The following MARCHF10 variants were observed in gnomAD, a reference collection of about 807,000 sequenced individuals.
MARCHF10 encodes the protein probable E3 ubiquitin-protein ligase MARCHF10.
In MARCHF10, 64 loss-of-function variants were observed where a neutral mutation model predicts 76.2. The ratio of observed to expected loss-of-function variants is 0.84; its 90% CI spans 0.69 to 1.03. The LOEUF (loss-of-function observed/expected upper bound fraction) is 1.03. MARCHF10 is among the 50% of genes least tolerant of loss of function. MARCHF10 has a pLI of 0.00. For synonymous variants in MARCHF10, 340 were observed against 357.5 expected (o/e 0.95, Z 0.55); for missense variants, 875 against 958.0 (o/e 0.91, Z 1.14).
At chr17:62,757,554 A>C (rs894190222) in intron 4 of MARCHF10, among the ~76,000 whole-genome samples, 1 of 152,204 alleles carries the variant, frequency 6.6e-6, no homozygotes, top group Non-Finnish European at 1.5e-5. Flanking sequence ...GAGTCTACAC[A>C]TGTAAAATGG....
intron 1 of MARCHF10, among the ~76,000 whole-genome samples, chr17:62,802,475 C>A (rs2093091037): frequency 6.6e-6 from 1 of 152,184 alleles, no homozygotes; most frequent in African/African-American, 2.4e-5. Context: ...TCGCCTCAGC[C>A]TCCCGAAGTG....
intron 8 of MARCHF10, among the ~76,000 whole-genome samples, chr17:62,715,496 G>A (rs995258748): frequency 6.6e-5 from 10 of 152,198 alleles, no homozygotes; most frequent in African/African-American, 2.4e-4. Context: ...GCCGCATGCT[G>A]CTGTCCAGGA....
chr17:62,743,368 C>T (rs905611971), intron 5 of MARCHF10, among the ~76,000 whole-genome samples: 17 of 152,168 alleles, frequency 1.1e-4, no homozygotes, highest in African/African-American at 3.6e-4. Context: ...CAAAGGCAGG[C>T]CGGGTGCCAT....
At chr17:62,728,721 A>G (rs2090876953) in intron 6 of MARCHF10, among the ~76,000 whole-genome samples, 1 of 152,252 alleles carries the variant, frequency 6.6e-6, no homozygotes, top group Admixed American at 6.5e-5. Context: ...GTGAAACAAT[A>G]TTAATGGACA....
chr17:62,805,797 A>T (rs948334935), intron 1 of MARCHF10, among the ~76,000 whole-genome samples: 1 of 152,112 alleles, frequency 6.6e-6, no homozygotes, highest in African/African-American at 2.4e-5. Context: ...CTGTAGTCCC[A>T]GCTACTTGGG....
intron 3 of MARCHF10, among the ~76,000 whole-genome samples, chr17:62,774,592 G>A (rs1240253302): frequency 2.0e-5 from 3 of 152,116 alleles, no homozygotes; most frequent in Non-Finnish European, 2.9e-5. Flanking sequence ...GGTCTGAGGT[G>A]CATTTCCTGC....
In MARCHF10 at chr17:62,736,153, A is replaced by G; in HGVS notation, c.1715T>C (p.Leu572Ser). ...LLLNPQGNLS[L>S]VDSSSSSPSR... ...TGGAGAGGAGCTGGAAGAATCCACTAAGGACAAATTGCCCTGTGGATTTAG... is the reference window on the plus strand; with the variant it reads ...TGGAGAGGAGCTGGAAGAATCCACTGAGGACAAATTGCCCTGTGGATTTAG... Residue 572 changes from leucine (L) to serine (S), a missense_variant, in exon 6 of 11, where the codon TTA becomes TCA. Coordinates refer to ENST00000311269, the MANE Select transcript of MARCHF10 (RefSeq NM_152598.4). 1 of 1,614,194 alleles carries G rather than the reference A, an allele frequency of 6.2e-7. No individual in the cohort carries two copies. Among genetic ancestry groups the G allele is most frequent in the Non-Finnish European group, 8.5e-7 (1 of 1,180,032 alleles).
At chr17:62,778,071 C>G (rs1428433917) in intron 3 of MARCHF10, among the ~76,000 whole-genome samples, 1 of 152,196 alleles carries the variant, frequency 6.6e-6, no homozygotes, top group Non-Finnish European at 1.5e-5. Context: ...AGCTCCCAGC[C>G]TAAGGGAGGA....
At chr17:62,807,442 G>C (rs2093179772) in intron 1 of MARCHF10, among the ~76,000 whole-genome samples, 2 of 152,118 alleles carry the variant, frequency 1.3e-5, no homozygotes, top group African/African-American at 4.8e-5. Flanking sequence ...GGAGAGATAG[G>C]TGGTCACATT....
chr17:62,726,924 C>G (rs924649278), intron 6 of MARCHF10, among the ~76,000 whole-genome samples: 3 of 152,208 alleles, frequency 2.0e-5, no homozygotes, highest in Non-Finnish European at 4.4e-5. Flanking sequence ...GCCACCACAC[C>G]TGGCCTAGAA....
In MARCHF10 at chr17:62,738,007, G is replaced by C. The variant is rs1433658187; in HGVS notation, c.536-675C>G. The C allele has an allele frequency of 6.6e-6, 1 of 150,848 alleles. No homozygotes were observed. Among genetic ancestry groups the C allele is most frequent in the Admixed American group, 6.7e-5 (1 of 14,942 alleles). The allele number at this position is 150,848 out of a possible 1,614,324, so 9.3% of individuals were successfully genotyped here. A position where few individuals can be genotyped will look rare whatever the true frequency, so the allele number is the denominator to read the frequency against. ...AATCCCTACTATGAATTCCTACACAGAATCACTGAACTGGCCAGAAGCATG... is the reference window on the plus strand; with the variant it reads ...AATCCCTACTATGAATTCCTACACACAATCACTGAACTGGCCAGAAGCATG... On this transcript the variant is annotated intron_variant, in intron 5 of 10. Coordinates refer to ENST00000311269, the MANE Select transcript of MARCHF10 (RefSeq NM_152598.4). The surrounding 1 kb of genome is among the most constrained non-coding windows in gnomAD (Gnocchi z 4.0).
Position 62,736,998 on chromosome 17 carries a change from GTCA to G in MARCHF10, c.867_869del (p.Asp290del). ...CTTCAGACTGGGTTTCCTCTTCAGT[GTCA>G]TCGCTTTCTCTTCTGCTGTTCAATG... On this transcript the variant is annotated inframe_deletion, in exon 6 of 11. Transcript: ENST00000311269. 6.2e-7 allele frequency: 1 copy of G among 1,614,150 alleles called. No homozygotes were observed. The highest frequency in any genetic ancestry group is 1.1e-5 in the South Asian group (1 of 91,080).
At chr17:62,709,741 T>C (rs189965158) in intron 9 of MARCHF10, among the ~76,000 whole-genome samples, 4 of 152,266 alleles carry the variant, frequency 2.6e-5, no homozygotes, top group Non-Finnish European at 5.9e-5. Context: ...CTACTTTCAT[T>C]TGGGTGCCTT....
chr17:62,736,991 C>A lies in MARCHF10; in HGVS notation c.877G>T (p.Glu293Ter), dbSNP rs267604981. The A allele has an allele frequency of 6.2e-7, 1 of 1,614,208 alleles. No individual in the cohort carries two copies. Among genetic ancestry groups the A allele is most frequent in the Non-Finnish European group, 8.5e-7 (1 of 1,180,032 alleles). Residue 293 changes from glutamate to a stop codon, truncating the protein, a stop_gained, in exon 6 of 11, where the codon GAG becomes TAG. Coordinates refer to ENST00000311269, the MANE Select transcript of MARCHF10 (RefSeq NM_152598.4). LOFTEE classifies it high-confidence loss of function. The stretch of plus-strand genomic sequence containing the variant: ...AGACATTCTTCAGACTGGGTTTCCT[C>A]TTCAGTGTCATCGCTTTCTCTTCTG... ...NSRRESDDTE[E>*]ETQSEECLWV...
intron 10 of MARCHF10, chr17:62,705,187 C>T: frequency 8.2e-7 from 1 of 1,221,026 alleles, no homozygotes. Context: ...CTAGAGGAAT[C>T]CTGGCAGTAA....
At chr17:62,782,403 A>C (rs1295049514) in intron 3 of MARCHF10, among the ~76,000 whole-genome samples, 1 of 141,874 alleles carries the variant, frequency 7.0e-6, no homozygotes, top group Non-Finnish European at 1.5e-5. Flanking sequence ...GGTGGAGTAC[A>C]GTGGCACGAT....
chr17:62,747,471 T>C (rs961241235), intron 4 of MARCHF10, among the ~76,000 whole-genome samples: 7 of 152,212 alleles, frequency 4.6e-5, no homozygotes, highest in African/African-American at 1.7e-4. Context: ...AAGAAATCGC[T>C]GCTATTAGTG....
At chr17:62,735,033 ACTT>A (rs1302786480) in intron 6 of MARCHF10, 2 of 152,220 alleles carry the variant, frequency 1.3e-5, no homozygotes, top group East Asian at 1.9e-4. Flanking sequence ...CTAGAAAGTT[ACTT>A]CATTACTGGA....
At chr17:62,725,132 CAGG>C in intron 6 of MARCHF10, 28 bp from the exon 7 acceptor site, 2 of 1,555,376 alleles carry the variant, frequency 1.3e-6, no homozygotes, top group Non-Finnish European at 1.7e-6. Context: ...CCCTCGTGAC[CAGG>C]AGGCTACACG....
Sources: gnomAD v4.1 joint callset for allele counts (sites outside exome capture counted in the v4.1 genomes callset) on GRCh38, gnomAD v4.1.1 for gene constraint, Gnocchi (gnomAD v3.1) non-coding constraint, MANE v1.5 for transcripts, NCBI Gene and HGNC (gene_info 2026-07-23, HGNC 2026-07-21) for gene names.